The following SCNN1D variants were observed in gnomAD, a reference collection of about 807,000 sequenced individuals.
SCNN1D encodes the protein sodium channel epithelial 1 subunit delta, also known as epithelial sodium channel subunit delta.
Under a neutral mutation model 87.8 loss-of-function variants are expected in SCNN1D, and 104 were observed. The ratio of observed to expected loss-of-function variants is 1.18; its 90% CI spans 1.01 to 1.39. The LOEUF is 1.39. Among genes scored for constraint, SCNN1D ranks in the 40% most tolerant of loss-of-function variants. The pLI is 0.00. For missense variants in SCNN1D, 1,324 were observed against 1,093.9 expected (o/e 1.21, Z -2.97); for synonymous variants, 628 against 481.2 (o/e 1.31, Z -3.99).
At chr1:1,291,198 C>A (rs1305749490) in intron 17 of SCNN1D, 56 bp from the exon 18 acceptor site, 2 of 1,588,878 alleles carry the variant, frequency 1.3e-6, no homozygotes, top group Non-Finnish European at 8.6e-7. Context: ...GCTGGCCCTG[C>A]ACAGAAGGGG....
chr1:1,288,136 A>G, intron 12 of SCNN1D, 99 bp downstream of exon 12: 1 of 895,958 alleles, frequency 1.1e-6, no homozygotes, highest in Non-Finnish European at 1.7e-6. Context: ...AGAGTACTAG[A>G]GGGCCTGGGA....
chr1:1,290,709 T>G lies in SCNN1D; in HGVS notation c.1917+15T>G, dbSNP rs754992872. The G allele has an allele frequency of 1.2e-6, 2 of 1,612,286 alleles. No individual in the cohort carries two copies. The highest frequency in any genetic ancestry group is 1.7e-6 in the Non-Finnish European group (2 of 1,179,738). ...CCAAGTCAGCTGTGAGTCCCCAAAG[T>G]GGTGGGGTGGGGGTGTGGACAGCCA... On this transcript the variant is annotated intron_variant, in intron 15 of 17. Coordinates refer to ENST00000379116, the MANE Select transcript of SCNN1D (RefSeq NM_001130413.4).
Position 1,291,358 on chromosome 1 carries a change from C to G in SCNN1D, c.2157C>G (p.Ala719=). ...ELLELLLDAS[A]LTLVLGGRRL... ...TGGAGCTGCTGCTCGATGCTTCTGC[C>G]CTCACCCTGGTGCTAGGCGGCCGCC... Residue 719 remains alanine (A), a synonymous_variant, in exon 18 of 18, where the codon GCC becomes GCG. Transcript: ENST00000379116. 1 of 1,608,610 alleles carries G rather than the reference C, an allele frequency of 6.2e-7. No homozygotes were observed. The highest frequency in any genetic ancestry group is 8.5e-7 in the Non-Finnish European group (1 of 1,178,618).
chr1:1,286,352 C>A, intron 7 of SCNN1D, 74 bp downstream of exon 7: 2 of 1,177,736 alleles, frequency 1.7e-6, no homozygotes, highest in Non-Finnish European at 2.4e-6. Flanking sequence ...CTAACCGAAG[C>A]CCCACTGGCC....
At position 1,286,985 on chromosome 1, in the gene SCNN1D, C is replaced by T. The variant is rs1218411520; in HGVS notation, c.1119+10C>T. The stretch of plus-strand genomic sequence containing the variant: ...AGTGGGGTTCAGACTGGTGAGTGTC[C>T]CAGCCGGGGCCTGCAGCCATCAGGG... On this transcript the variant is annotated intron_variant, in intron 8 of 17. Coordinates refer to ENST00000379116, the MANE Select transcript of SCNN1D (RefSeq NM_001130413.4). The T allele has an allele frequency of 6.2e-7, 1 of 1,608,294 alleles. No homozygotes were observed. The highest frequency in any genetic ancestry group is 1.1e-5 in the South Asian group (1 of 90,644).
intron 14 of SCNN1D, 28 bp downstream of exon 14, chr1:1,290,583 C>T: frequency 6.2e-7 from 1 of 1,612,584 alleles, no homozygotes; most frequent in Non-Finnish European, 8.5e-7. Flanking sequence ...GGGTCGCGGC[C>T]AGGGATCATT....
Position 1,291,862 on chromosome 1 carries a change from G to A in SCNN1D, c.*252G>A, listed in dbSNP as rs140147943. The A allele has an allele frequency of 4.6e-4, 195 of 423,256 alleles. No homozygotes were observed. Among genetic ancestry groups the A allele is most frequent in the African/African-American group, 2.8e-3 (136 of 49,318 alleles). 26.2% of individuals were successfully genotyped at this position (423,256 alleles called of 1,614,324 possible). ...CGAGTGCGGCTGGACGTGCCGACACGCGGTGATGTACCCATGCTCCGTGTG... is the reference window on the plus strand; with the variant it reads ...CGAGTGCGGCTGGACGTGCCGACACACGGTGATGTACCCATGCTCCGTGTG... On this transcript the variant is annotated 3_prime_UTR_variant, in exon 18 of 18. Transcript: ENST00000379116.
chr1:1,284,656 C>T (rs1640549575), intron 5 of SCNN1D, among the ~76,000 whole-genome samples: 1 of 151,918 alleles, frequency 6.6e-6, no homozygotes, highest in African/African-American at 2.4e-5. Context: ...TGTGCTGGAC[C>T]ATTGGGGGTG....
intron 5 of SCNN1D, 50 bp from the exon 6 acceptor site, chr1:1,285,521 A>G (rs772307904): frequency 3.1e-6 from 4 of 1,286,278 alleles, no homozygotes; most frequent in African/African-American, 3.1e-5. Flanking sequence ...CCTGAGCCCC[A>G]GACCCCACGC....
At chr1:1,291,039 G>T in intron 16 of SCNN1D, 26 bp from the exon 17 acceptor site, 2 of 1,606,768 alleles carry the variant, frequency 1.2e-6, no homozygotes, top group Non-Finnish European at 1.7e-6. Context: ...CTGGGCCAGC[G>T]CCCTCATGCC....
chr1:1,286,444 G>A (rs555845466), intron 7 of SCNN1D, among the ~76,000 whole-genome samples, 166 bp downstream of exon 7: 42 of 152,190 alleles, frequency 2.8e-4, no homozygotes, highest in South Asian at 6.2e-4. Flanking sequence ...TGCCCAGCCC[G>A]GACCTCTCGG....
At position 1,291,256 on chromosome 1, in the gene SCNN1D, G is replaced by A; in HGVS notation, c.2055G>A (p.Val685=). ...RSVEEAPVYS[V]PQLLSAMGSL... ...TCACACCCGCACCCCACCCGCAGGT[G>A]CCGCAGCTGCTCTCGGCCATGGGCA... Residue 685 remains valine, a splice_region_variant and synonymous_variant, in exon 18 of 18, where the codon GTG becomes GTA. Coordinates refer to ENST00000379116, the MANE Select transcript of SCNN1D (RefSeq NM_001130413.4). The A allele has an allele frequency of 6.4e-7, 1 of 1,558,624 alleles. No individual in the cohort carries two copies. Among genetic ancestry groups the A allele is most frequent in the Non-Finnish European group, 8.7e-7 (1 of 1,152,960 alleles).
chr1:1,284,393 T>C (rs1317838946), intron 5 of SCNN1D, among the ~76,000 whole-genome samples: 1 of 150,474 alleles, frequency 6.6e-6, no homozygotes, highest in African/African-American at 2.4e-5. Context: ...CTCTTTCCGA[T>C]GCCTGGCCCC....
chr1:1,284,652 G>A (rs1451012624), intron 5 of SCNN1D, among the ~76,000 whole-genome samples: 1 of 151,976 alleles, frequency 6.6e-6, no homozygotes, highest in Non-Finnish European at 1.5e-5. Flanking sequence ...AGTGTGTGCT[G>A]GACCATTGGG....
At chr1:1,283,834 T>C in intron 4 of SCNN1D, 144 bp from the exon 5 acceptor site, 1 of 450,218 alleles carries the variant, frequency 2.2e-6, no homozygotes, top group East Asian at 4.5e-5. Context: ...GGGCTCAGGA[T>C]GGGAAAGATT....
In SCNN1D at chr1:1,286,841, G is replaced by T. The variant is rs377468821; in HGVS notation, c.985G>T (p.Val329Phe). Reference protein sequence around the residue: ...ARENIDSLYNVNLSKGRAALS... With the variant: ...ARENIDSLYNFNLSKGRAALS... ...GGAGAACATTGACTCCCTGTACAAC[G>T]TCAACCTCAGCAAAGGCAGAGCCGC... The change falls in exon 8 of 18, where the codon GTC becomes TTC. Residue 329 changes from valine (V) to phenylalanine (F), a missense_variant. Transcript: ENST00000379116. 1 of 1,612,698 alleles carries T rather than the reference G, an allele frequency of 6.2e-7. No homozygotes were observed. Among genetic ancestry groups the T allele is most frequent in the African/African-American group, 1.3e-5 (1 of 75,028 alleles).
At position 1,291,067 on chromosome 1, in the gene SCNN1D, G is replaced by A; in HGVS notation, c.1979G>A (p.Ser660Asn). ...GLPHQSHRQR[S>N]SLAKINIVYQ... Reference sequence around the variant, plus strand: ...CTCATGCCTCTATCCTGCCCCAGGAGCAGCCTGGCCAAAATCAACATCGTC... The same window carrying A: ...CTCATGCCTCTATCCTGCCCCAGGAACAGCCTGGCCAAAATCAACATCGTC... The change falls in exon 17 of 18, where the codon AGC becomes AAC. Residue 660 changes from serine to asparagine, a missense_variant and splice_region_variant. Ser to Asn is a conservative substitution (Grantham distance 46). Transcript: ENST00000379116. 3.1e-6 allele frequency: 5 copies of A among 1,611,992 alleles called. No homozygotes were observed. The highest frequency in any genetic ancestry group is 4.2e-6 in the Non-Finnish European group (5 of 1,179,646).
chr1:1,281,618 A>G lies in SCNN1D; in HGVS notation c.277+8A>G. The G allele has an allele frequency of 3.3e-6, 5 of 1,533,994 alleles. No homozygotes were observed. The highest frequency in any genetic ancestry group is 4.4e-6 in the Non-Finnish European group (5 of 1,145,918). ...TACAGGGGTGTGGGACAGGTGACTGAACCTCAGCCCTTAGAGGCCTTGCCC... is the reference window on the plus strand; with the variant it reads ...TACAGGGGTGTGGGACAGGTGACTGGACCTCAGCCCTTAGAGGCCTTGCCC... On this transcript the variant is annotated splice_region_variant and intron_variant, in intron 3 of 17. Transcript: ENST00000379116.
rs1369521834 is a variant in SCNN1D, at chr1:1,281,478, AC to A, written c.150del (p.Cys51AlafsTer85). On this transcript the variant is annotated frameshift_variant, in exon 3 of 18. Coordinates refer to ENST00000379116, the MANE Select transcript of SCNN1D (RefSeq NM_001130413.4). LOFTEE classifies it high-confidence loss of function. ...TCRELGSPHP[T>X]PCTGPARGWP... Reference sequence around the variant, plus strand: ...CCGGGAGCTGGGTTCGCCCCACCCCACCCCCTGCACCGGGCCAGCGAGGGGA... The same window carrying A: ...CCGGGAGCTGGGTTCGCCCCACCCCACCCCTGCACCGGGCCAGCGAGGGGA... 5.3e-6 allele frequency: 8 copies of A among 1,523,546 alleles called. No homozygotes were observed. The highest frequency in any genetic ancestry group is 7.0e-6 in the Non-Finnish European group (8 of 1,140,584). 94.4% of individuals were successfully genotyped at this position (1,523,546 alleles called of 1,614,324 possible).
Sources: gnomAD v4.1 joint callset for allele counts (sites outside exome capture counted in the v4.1 genomes callset) on GRCh38, gnomAD v4.1.1 for gene constraint, MANE v1.5 for transcripts, NCBI Gene and HGNC (gene_info 2026-07-23, HGNC 2026-07-21) for gene names.